Variants in ANO1 observed in about 807,000 individuals in gnomAD.
ANO1 encodes anoctamin-1.
In ANO1, 59 loss-of-function variants were observed where a neutral mutation model predicts 124.0. The observed-to-expected ratio is 0.48, with a 90% CI of 0.39 to 0.59. The LOEUF is 0.59. ANO1 is among the 20% of genes least tolerant of loss of function. ANO1 has a pLI of 0.00. For synonymous variants in ANO1, 529 were observed against 532.0 expected (o/e 0.99, Z 0.08); for missense variants, 1,059 against 1,328.0 (o/e 0.80, Z 3.15).
chr11:70,063,569 T>C (rs1857646296), intron 1 of ANO1: 1 of 152,120 alleles, frequency 6.6e-6, no homozygotes, highest in Admixed American at 6.6e-5. Context: ...GTAGCAAAAA[T>C]GCCAAAAGCC....
intron 1 of ANO1, among the ~76,000 whole-genome samples, chr11:70,066,907 TC>T (rs1420152044): frequency 2.9e-4 from 44 of 152,014 alleles, no homozygotes; most frequent in Non-Finnish European, 6.2e-4. Flanking sequence ...GAAGTGCCTG[TC>T]CCCACTCCCA....
intron 21 of ANO1, among the ~76,000 whole-genome samples, chr11:70,168,466 C>T (rs2048336510): frequency 6.6e-6 from 1 of 152,054 alleles, no homozygotes; most frequent in Non-Finnish European, 1.5e-5. Context: ...GACAGCCTCA[C>T]CCCGTCATCC....
At chr11:70,019,555 C>A (rs549264784) in intron 1 of ANO1, among the ~76,000 whole-genome samples, 12 of 68,510 alleles carry the variant, frequency 1.8e-4, no homozygotes, top group African/African-American at 5.1e-4. Flanking sequence ...TCAGCTCACC[C>A]GAGCCAATTG....
chr11:70,010,357 C>T (rs1334297361), intron 1 of ANO1, among the ~76,000 whole-genome samples: 1 of 151,456 alleles, frequency 6.6e-6, no homozygotes, highest in Non-Finnish European at 1.5e-5. Flanking sequence ...GGTAGATACC[C>T]AGTACTGGCT....
intron 1 of ANO1, among the ~76,000 whole-genome samples, chr11:70,066,052 T>C (rs1207487871): frequency 6.6e-6 from 1 of 152,256 alleles, no homozygotes; most frequent in Non-Finnish European, 1.5e-5. Flanking sequence ...AGGTAAGCTC[T>C]GTGGGAGTAG....
intron 5 of ANO1, among the ~76,000 whole-genome samples, chr11:70,106,113 T>C (rs987815699): frequency 6.6e-6 from 1 of 151,982 alleles, no homozygotes; most frequent in Non-Finnish European, 1.5e-5. Flanking sequence ...CGTGGTGGGA[T>C]TGTGCGTGCC....
At chr11:70,021,181 G>A (rs975146050) in intron 1 of ANO1, 10 of 152,152 alleles carry the variant, frequency 6.6e-5, no homozygotes, top group African/African-American at 2.4e-4. Context: ...GAATTATCTA[G>A]TGGAGAAAAA....
intron 1 of ANO1, among the ~76,000 whole-genome samples, chr11:70,035,898 C>A (rs566422922): frequency 6.6e-6 from 1 of 152,114 alleles, no homozygotes. Context: ...TGTATATGTG[C>A]CACATTTTCT....
chr11:69,970,221 G>A, the ANO1 span, among the ~76,000 whole-genome samples: 1 of 152,182 alleles, frequency 6.6e-6, no homozygotes. Flanking sequence ...AAGAGGTGAG[G>A]CTCCACATCA....
Position 70,025,028 on chromosome 11 carries a change from T to C in ANO1, c.58+38862T>C, listed in dbSNP as rs75617560. On this transcript the variant is annotated intron_variant, in intron 1 of 27. Coordinates refer to the ANO1 transcript ENST00000531349. ...ACATCTGAGCATCTGAGGGTCTCAG[T>C]TGGAGGAAAAAAGATGGACAAGAAA... Among the ~76,000 whole-genome samples the C allele has an allele frequency of 9.7e-3, 1,482 of 152,098 alleles. 26 individuals carry two copies. Among genetic ancestry groups the C allele is most frequent in the African/African-American group, 0.034 (1,416 of 41,472 alleles).
chr11:70,093,975 C>G (rs1157676213), intron 2 of ANO1, among the ~76,000 whole-genome samples: 1 of 152,240 alleles, frequency 6.6e-6, no homozygotes, highest in Non-Finnish European at 1.5e-5. Flanking sequence ...CTTCACCTCT[C>G]TGGGTCTCAA....
chr11:70,156,136 C>G, intron 15 of ANO1, 148 bp downstream of exon 15: 1 of 863,330 alleles, frequency 1.2e-6, no homozygotes, highest in Admixed American at 4.0e-5. Context: ...CCCAGTGAGC[C>G]CAGCATGTTG....
intron 18 of ANO1, 39 bp downstream of exon 18, chr11:70,161,772 C>A: frequency 6.3e-7 from 1 of 1,596,592 alleles, no homozygotes; most frequent in Non-Finnish European, 8.6e-7. Flanking sequence ...CTCGCTTCTC[C>A]CAGGTCCAGG....
upstream of ANO1, among the ~76,000 whole-genome samples, chr11:69,980,954 A>G (rs1855955107): frequency 6.6e-6 from 1 of 152,166 alleles, no homozygotes; most frequent in Admixed American, 6.5e-5. Context: ...TGGGAGGCTG[A>G]GGCAGGAGAA....
intron 1 of ANO1, among the ~76,000 whole-genome samples, chr11:70,035,336 G>A (rs1247421213): frequency 6.6e-6 from 1 of 152,162 alleles, no homozygotes; most frequent in Non-Finnish European, 1.5e-5. Context: ...GAAAAGGAAG[G>A]GGCCAAGCCC....
chr11:70,081,380 T>G (rs1401328446), intron 1 of ANO1, among the ~76,000 whole-genome samples: 1 of 152,220 alleles, frequency 6.6e-6, no homozygotes, highest in Non-Finnish European at 1.5e-5. Context: ...TTTCCTGGCT[T>G]ATCTGCTGTG....
In ANO1 at chr11:70,125,144, AC is replaced by A. The variant is rs544653890; in HGVS notation, c.962+732del. On this transcript the variant is annotated intron_variant, in intron 9 of 25. Coordinates refer to ENST00000355303, the MANE Select transcript of ANO1 (RefSeq NM_018043.7). Reference sequence around the variant, plus strand: ...GATTACTTGAGGTCAGGAGTTCGAGACCAGCCTGGCCAACATGGTGAAACCC... The same window carrying A: ...GATTACTTGAGGTCAGGAGTTCGAGACAGCCTGGCCAACATGGTGAAACCC... Among the ~76,000 whole-genome samples the A allele has an allele frequency of 7.0e-4, 106 of 151,984 alleles. 1 individual carries two copies. Among genetic ancestry groups the A allele is most frequent in the African/African-American group, 2.5e-3 (103 of 41,468 alleles).
chr11:70,080,176 T>G (rs991011733), intron 1 of ANO1, among the ~76,000 whole-genome samples: 3 of 152,236 alleles, frequency 2.0e-5, no homozygotes, highest in Non-Finnish European at 4.4e-5. Flanking sequence ...GGGCCAGTGC[T>G]GTGTCTTAGC....
intron 22 of ANO1, among the ~76,000 whole-genome samples, chr11:70,176,508 G>T (rs1354866903): frequency 1.3e-5 from 2 of 152,264 alleles, no homozygotes; most frequent in East Asian, 3.9e-4. Context: ...GAAAGTCTGG[G>T]TTATGATAAG....
Sources: gnomAD v4.1 joint callset for allele counts (sites outside exome capture counted in the v4.1 genomes callset) on GRCh38, gnomAD v4.1.1 for gene constraint, MANE v1.5 for transcripts, NCBI Gene and HGNC (gene_info 2026-07-23, HGNC 2026-07-21) for gene names.